PPARGC1A: variants seen among roughly 807,000 people sequenced by gnomAD.
The protein encoded by PPARGC1A is PPARG coactivator 1 alpha.
PPARGC1A carries 25 observed loss-of-function variants against 88.7 expected under a neutral mutation model. The observed-to-expected ratio is 0.28, with a 90% confidence interval of 0.21 to 0.39. PPARGC1A has a LOEUF of 0.39. PPARGC1A is among the 10% of genes least tolerant of loss of function. The pLI is 1.00. For synonymous variants in PPARGC1A, 363 were observed against 355.6 expected, an observed-to-expected ratio of 1.02 and a Z score of -0.24; for missense variants, 880 against 968.7, an observed-to-expected ratio of 0.91 and a Z score of 1.22.
At chr4:23,802,390 T>C in intron 10 of PPARGC1A, 45 bp from the exon 11 acceptor site, 1 of 1,612,322 alleles carries the variant, frequency 6.2e-7, no homozygotes, top group Non-Finnish European at 8.5e-7. Flanking sequence ...GGAAAAAAGC[T>C]AGCCCTCGGC....
At chr4:24,128,579 T>TGTGTGTGTGTGC in the PPARGC1A span, among the ~76,000 whole-genome samples, 1 of 135,576 alleles carries the variant, frequency 7.4e-6, no homozygotes, top group Admixed American at 7.3e-5. Flanking sequence ...TGTGTGTGTG[T>TGTGTGTGTGTGC]GCACGCGCAT....
chr4:23,993,922 A>G, the PPARGC1A span, among the ~76,000 whole-genome samples: 1 of 152,302 alleles, frequency 6.6e-6, no homozygotes, highest in East Asian at 1.9e-4. Flanking sequence ...CTAGGGGCTT[A>G]AAACAATCCA....
chr4:24,150,800 A>C, the PPARGC1A span, among the ~76,000 whole-genome samples: 1 of 152,136 alleles, frequency 6.6e-6, no homozygotes, highest in South Asian at 2.1e-4. Flanking sequence ...GACCACATCT[A>C]AGTCAGTCTG....
chr4:24,127,551 G>A, the PPARGC1A span, among the ~76,000 whole-genome samples: 5 of 151,546 alleles, frequency 3.3e-5, no homozygotes, highest in East Asian at 9.7e-4. Flanking sequence ...ACACACACAC[G>A]TGCGCGCGTG....
chr4:23,845,071 T>C (rs1479634203), intron 2 of PPARGC1A, among the ~76,000 whole-genome samples: 1 of 150,382 alleles, frequency 6.6e-6, no homozygotes, highest in Non-Finnish European at 1.5e-5. Context: ...AGGAGGGGGG[T>C]GATAGGCAAA....
chr4:24,089,781 A>G, the PPARGC1A span, among the ~76,000 whole-genome samples: 23 of 152,070 alleles, frequency 1.5e-4, no homozygotes, highest in Non-Finnish European at 3.1e-4. Flanking sequence ...AAGTGCTGGG[A>G]TTACAGGCGT....
chr4:24,239,841 A>G, the PPARGC1A span, among the ~76,000 whole-genome samples: 1 of 152,174 alleles, frequency 6.6e-6, no homozygotes, highest in South Asian at 2.1e-4. Context: ...CAGGAAGAAG[A>G]TGGGGGATTG....
the PPARGC1A span, among the ~76,000 whole-genome samples, chr4:23,921,617 T>C: frequency 0.095 from 14,503 of 152,014 alleles, 948 homozygotes; most frequent in South Asian, 0.16. Context: ...CACAGGCAGG[T>C]GGGAGGGGAG....
the PPARGC1A span, among the ~76,000 whole-genome samples, chr4:24,228,949 C>T: frequency 6.6e-6 from 1 of 152,018 alleles, no homozygotes; most frequent in Non-Finnish European, 1.5e-5. Flanking sequence ...CTCCAACCCC[C>T]GGGGTTCTGA....
intron 2 of PPARGC1A, among the ~76,000 whole-genome samples, chr4:23,856,358 T>A (rs1422090386): frequency 6.6e-6 from 1 of 152,240 alleles, no homozygotes; most frequent in Non-Finnish European, 1.5e-5. Context: ...CACTGTTGAC[T>A]AAATGTGGTT....
the PPARGC1A span, among the ~76,000 whole-genome samples, chr4:24,255,822 C>T: frequency 9.2e-5 from 14 of 152,272 alleles, no homozygotes; most frequent in South Asian, 2.1e-4. Context: ...TGGAGCAAGT[C>T]GCTCCACTGC....
chr4:23,819,805 C>G (rs1560368788), intron 7 of PPARGC1A, among the ~76,000 whole-genome samples: 1 of 151,968 alleles, frequency 6.6e-6, no homozygotes, highest in Non-Finnish European at 1.5e-5. Flanking sequence ...GTTGGGTCTT[C>G]CTTTCTTAGA....
chr4:24,097,621 C>A, the PPARGC1A span, among the ~76,000 whole-genome samples: 1 of 152,142 alleles, frequency 6.6e-6, no homozygotes, highest in Admixed American at 6.5e-5. Context: ...CAAACCCACA[C>A]TACTGGAGGT....
the PPARGC1A span, among the ~76,000 whole-genome samples, chr4:24,253,707 C>T: frequency 6.6e-6 from 1 of 150,386 alleles, no homozygotes; most frequent in Non-Finnish European, 1.5e-5. Flanking sequence ...TGCCTCTTTA[C>T]GTTTGTCACC....
the PPARGC1A span, among the ~76,000 whole-genome samples, chr4:23,924,571 G>A: frequency 1.2e-4 from 18 of 151,814 alleles, no homozygotes; most frequent in African/African-American, 3.4e-4. Flanking sequence ...GCAGTAAGCC[G>A]AGATCACACC....
At chr4:24,058,703 T>G in the PPARGC1A span, among the ~76,000 whole-genome samples, 1 of 152,238 alleles carries the variant, frequency 6.6e-6, no homozygotes, top group South Asian at 2.1e-4. Flanking sequence ...TCCCAGCACT[T>G]TGGGAGGCAG....
the PPARGC1A span, among the ~76,000 whole-genome samples, chr4:24,277,898 G>T: frequency 6.6e-6 from 1 of 152,096 alleles, no homozygotes; most frequent in Non-Finnish European, 1.5e-5. Flanking sequence ...ATAAGGGGTG[G>T]GTGTGGTGGC....
the PPARGC1A span, among the ~76,000 whole-genome samples, chr4:24,214,074 A>T: frequency 6.6e-6 from 1 of 152,212 alleles, no homozygotes; most frequent in Admixed American, 6.5e-5. Context: ...GTGAGGCAAA[A>T]GCACAATTTC....
chr4:24,173,509 C>A, the PPARGC1A span, among the ~76,000 whole-genome samples: 1 of 152,062 alleles, frequency 6.6e-6, no homozygotes, highest in African/African-American at 2.4e-5. Flanking sequence ...CCAGCCTGGG[C>A]AACCTAAGCA....
Sources: gnomAD v4.1 joint callset for allele counts (sites outside exome capture counted in the v4.1 genomes callset) on GRCh38, gnomAD v4.1.1 for gene constraint, MANE v1.5 for transcripts, NCBI Gene and HGNC (gene_info 2026-07-23, HGNC 2026-07-21) for gene names.